The following PCK2 variants were observed in gnomAD, a reference collection of about 807,000 sequenced individuals.
The protein encoded by PCK2 is phosphoenolpyruvate carboxykinase 2, mitochondrial.
Under a neutral mutation model 65.9 loss-of-function variants are expected in PCK2, and 56 were observed. That is an observed-to-expected ratio of 0.85 (90% CI 0.69 to 1.06). The LOEUF (loss-of-function observed/expected upper bound fraction) is 1.06, where lower values mean the gene tolerates loss of function less well. PCK2 is among the 50% of genes least tolerant of loss of function. The pLI is 0.00. For synonymous variants in PCK2, 305 were observed against 319.6 expected (o/e 0.95, Z 0.49); for missense variants, 843 against 863.1 (o/e 0.98, Z 0.29).
chr14:24,099,965 G>A (rs375160037), intron 6 of PCK2, 30 bp from the exon 7 acceptor site: 63 of 1,613,998 alleles, frequency 3.9e-5, no homozygotes, highest in Non-Finnish European at 5.3e-5. Context: ...TCCTTGTTTG[G>A]TCCTTCCTTT....
intron 3 of PCK2, 42 bp downstream of exon 3, chr14:24,098,429 T>C (rs1315137587): frequency 6.2e-7 from 1 of 1,612,420 alleles, no homozygotes; most frequent in Admixed American, 1.7e-5. Context: ...ACGGAAGATG[T>C]GAACAGGTTT....
At position 24,094,697 on chromosome 14, in the gene PCK2, A is replaced by G; in HGVS notation, c.29+263A>G. On this transcript the variant is annotated intron_variant, in intron 1 of 9. Coordinates refer to ENST00000216780, the MANE Select transcript of PCK2 (RefSeq NM_004563.4). This position sits in a 1 kb window ranked among gnomAD's most constrained non-coding sequence, Gnocchi z 4.1. ...CGCGCGATCTCTATCTGCCACTCTC[A>G]GAACTTCCTCTCTCTCCTCGCTCCT... The G allele has an allele frequency of 6.6e-7, 1 of 1,519,040 alleles. No homozygotes were observed. Among genetic ancestry groups the G allele is most frequent in the East Asian group, 2.5e-5 (1 of 39,756 alleles). 94.1% of individuals were successfully genotyped at this position (1,519,040 alleles called of 1,614,324 possible). A position where few individuals can be genotyped will look rare whatever the true frequency, so the allele number is the denominator to read the frequency against.
chr14:24,094,487 C>A lies in PCK2; in HGVS notation c.29+53C>A. On this transcript the variant is annotated intron_variant, in intron 1 of 9. Transcript: ENST00000216780. The surrounding 1 kb of genome is among the most constrained non-coding windows in gnomAD (Gnocchi z 4.1). ...CCGCACCTTCCGCTGCGCTCGCCCC[C>A]TCGGGGCTGCCAGTGGCGCTCTCCT... is the stretch of plus-strand genomic sequence containing the variant. 6.7e-7 allele frequency: 1 copy of A among 1,483,818 alleles called. No homozygotes were observed. The highest frequency in any genetic ancestry group is 1.3e-5 in the South Asian group (1 of 76,332). The allele number at this position is 1,483,818 out of a possible 1,614,324, so 91.9% of individuals were successfully genotyped here. A position where few individuals can be genotyped will look rare whatever the true frequency, so the allele number is the denominator to read the frequency against.
rs1172701466 is a variant in PCK2, at chr14:24,098,339, G to A, written c.412G>A (p.Ala138Thr). The A allele has an allele frequency of 6.8e-6, 11 of 1,613,832 alleles. No homozygotes were observed. The highest frequency in any genetic ancestry group is 1.3e-5 in the African/African-American group (1 of 75,066). ...RGQLGNWMSP[A>T]DFQRAVDERF... ...GCAGCTGGGCAACTGGATGTCCCCA[G>A]CTGATTTCCAGCGAGCTGTGGATGA... is the stretch of plus-strand genomic sequence containing the variant. The change falls in exon 3 of 10, where the codon GCT becomes ACT. Residue 138 changes from alanine (A) to threonine (T), a missense_variant. Physicochemically the swap from Ala to Thr is moderately conservative, Grantham distance 58. Coordinates refer to ENST00000216780, the MANE Select transcript of PCK2 (RefSeq NM_004563.4).
chr14:24,102,973 C>G, intron 8 of PCK2, 83 bp downstream of exon 8: 1 of 1,406,362 alleles, frequency 7.1e-7, no homozygotes, highest in Non-Finnish European at 1.0e-6. Context: ...GATCCAGAGC[C>G]TCAGCCTGGA....
rs1184300074 is a variant in PCK2 at position 24,103,265 on chromosome 14, C to T, written c.1468+10C>T. ...GCAGCAGAACACAAAGGTGAGCACC[C>T]TCACCATTCCTCCCTCTCCTGTGTG... On this transcript the variant is annotated intron_variant, in intron 9 of 9. Transcript: ENST00000216780. 4 of 1,598,066 alleles carry T rather than the reference C, an allele frequency of 2.5e-6. No individual in the cohort carries two copies. Among genetic ancestry groups the T allele is most frequent in the Non-Finnish European group, 3.4e-6 (4 of 1,165,910 alleles).
In PCK2 at chr14:24,103,613, C is replaced by T; in HGVS notation, c.1572C>T (p.Ala524=). Residue 524 remains alanine, a synonymous_variant, in exon 10 of 10, where the codon GCC becomes GCT. Transcript: ENST00000216780. ...TGAGCATGGAAGGGCGCAAGGGGGC[C>T]CAGCTGCCCCGTATCTTCCATGTCA... ...HWLSMEGRKG[A]QLPRIFHVNW... The T allele has an allele frequency of 6.2e-7, 1 of 1,613,310 alleles. No individual in the cohort carries two copies. The highest frequency in any genetic ancestry group is 8.5e-7 in the Non-Finnish European group (1 of 1,179,420).
At position 24,094,433 on chromosome 14, in the gene PCK2, C is replaced by T. The variant is rs1566570534; in HGVS notation, c.28C>T (p.Arg10Trp). The T allele has an allele frequency of 1.3e-6, 2 of 1,548,442 alleles. No individual in the cohort carries two copies. The highest frequency in any genetic ancestry group is 8.7e-7 in the Non-Finnish European group (1 of 1,153,116). Residue 10 changes from arginine (R) to tryptophan (W), a missense_variant and splice_region_variant, in exon 1 of 10, where the codon CGG becomes TGG. Transcript: ENST00000216780. The surrounding 1 kb of genome is among the most constrained non-coding windows in gnomAD (Gnocchi z 4.1). ...GGCCGCATTGTACCGCCCTGGCCTG[C>T]GGTGAGTGACCCCCGGCCCGGGGCC... MAALYRPGL[R>W]LNWHGLSPLG... is the part of the protein sequence containing the mutation.
intron 7 of PCK2, among the ~76,000 whole-genome samples, chr14:24,101,453 C>T (rs149938611): frequency 1.8e-4 from 27 of 152,314 alleles, no homozygotes; most frequent in Middle Eastern, 6.8e-3. Context: ...GTGCTTCATA[C>T]ATGTGCCACT....
chr14:24,094,478 G>C lies in PCK2; in HGVS notation c.29+44G>C, dbSNP rs756195395. 6.7e-7 allele frequency: 1 copy of C among 1,494,128 alleles called. No homozygotes were observed. Among genetic ancestry groups the C allele is most frequent in the South Asian group, 1.3e-5 (1 of 78,026 alleles). 92.6% of individuals were successfully genotyped at this position (1,494,128 alleles called of 1,614,324 possible). ...GGGGCCCACCCGCACCTTCCGCTGCGCTCGCCCCCTCGGGGCTGCCAGTGG... is the reference window on the plus strand; with the variant it reads ...GGGGCCCACCCGCACCTTCCGCTGCCCTCGCCCCCTCGGGGCTGCCAGTGG... On this transcript the variant is annotated intron_variant, in intron 1 of 9. Coordinates refer to ENST00000216780, the MANE Select transcript of PCK2 (RefSeq NM_004563.4). This position sits in a 1 kb window ranked among gnomAD's most constrained non-coding sequence, Gnocchi z 4.1.
chr14:24,094,618 G>A lies in PCK2; in HGVS notation c.29+184G>A, dbSNP rs1390752380. ...GCGTCTCTTGGGAGGGCAGCCGGCC[G>A]GTGCTCCTCGTTTCCGCCTGCACCT... On this transcript the variant is annotated intron_variant, in intron 1 of 9. Transcript: ENST00000216780. This position sits in a 1 kb window ranked among gnomAD's most constrained non-coding sequence, Gnocchi z 4.1. The A allele has an allele frequency of 3.4e-6, 5 of 1,464,680 alleles. No individual in the cohort carries two copies. The Admixed American group carries it at 6.9e-5, about 20-fold the overall frequency. 90.7% of individuals were successfully genotyped at this position (1,464,680 alleles called of 1,614,324 possible). A position where few individuals can be genotyped will look rare whatever the true frequency, so the allele number is the denominator to read the frequency against.
chr14:24,094,470 T>G lies in PCK2; in HGVS notation c.29+36T>G. Reference sequence around the variant, plus strand: ...CCCGGCCCGGGGCCCACCCGCACCTTCCGCTGCGCTCGCCCCCTCGGGGCT... The same window carrying G: ...CCCGGCCCGGGGCCCACCCGCACCTGCCGCTGCGCTCGCCCCCTCGGGGCT... On this transcript the variant is annotated intron_variant, in intron 1 of 9. Coordinates refer to ENST00000216780, the MANE Select transcript of PCK2 (RefSeq NM_004563.4). The surrounding 1 kb of genome is among the most constrained non-coding windows in gnomAD (Gnocchi z 4.1). 6.7e-7 allele frequency: 1 copy of G among 1,502,774 alleles called. No individual in the cohort carries two copies. Among genetic ancestry groups the G allele is most frequent in the Non-Finnish European group, 8.8e-7 (1 of 1,132,980 alleles). The allele number at this position is 1,502,774 out of a possible 1,614,324, so 93.1% of individuals were successfully genotyped here.
chr14:24,101,186 C>T (rs2037147031), intron 7 of PCK2, among the ~76,000 whole-genome samples: 1 of 152,230 alleles, frequency 6.6e-6, no homozygotes, highest in South Asian at 2.1e-4. Context: ...CAGGCTAGTT[C>T]CCCAACCCTT....
Position 24,099,119 on chromosome 14 carries a change from G to GA in PCK2, c.736dup (p.Ile246AsnfsTer31), listed in dbSNP as rs754933476. 59 of 1,612,492 alleles carry GA rather than the reference G, an allele frequency of 3.7e-5. No individual in the cohort carries two copies. The highest frequency in any genetic ancestry group is 4.1e-5 in the Non-Finnish European group (48 of 1,179,638). On this transcript the variant is annotated frameshift_variant, in exon 5 of 10. Transcript: ENST00000216780. LOFTEE classifies it high-confidence loss of function. ...TTGGCCACGTGCCCGACCAGCGGGAGATCATCTCCTTCGGCAGCGGCTATG... is the reference window on the plus strand; with the variant it reads ...TTGGCCACGTGCCCGACCAGCGGGAGAATCATCTCCTTCGGCAGCGGCTATG...
In PCK2 at chr14:24,099,175, T is replaced by G; in HGVS notation, c.791T>G (p.Phe264Cys). The change falls in exon 5 of 10, where the codon TTT (phenylalanine) becomes TGT (cysteine). Residue 264 changes from phenylalanine (F) to cysteine (C), a missense_variant. Phe to Cys is a radical substitution (Grantham distance 205, BLOSUM62 -2). Transcript: ENST00000216780. ...GGNSLLGKKC[F>C]ALRIASRLAR... ...AACTCCCTGCTGGGCAAGAAGTGCT[T>G]TGCCCTACGCATCGCCTCTCGGCTG... The G allele has an allele frequency of 6.2e-7, 1 of 1,609,208 alleles. No individual in the cohort carries two copies. The highest frequency in any genetic ancestry group is 8.5e-7 in the Non-Finnish European group (1 of 1,179,460).
rs2037092062 is a variant in PCK2 at position 24,100,002 on chromosome 14, C to G, written c.1023C>G (p.Leu341=). 1.9e-6 allele frequency: 3 copies of G among 1,614,196 alleles called. No individual in the cohort carries two copies. The highest frequency in any genetic ancestry group is 2.5e-6 in the Non-Finnish European group (3 of 1,180,004). Reference sequence around the variant, plus strand: ...TTTCACTTCTCCTAACAGGTCGACTCCGGGCCATCAACCCTGAGAACGGCT... The same window carrying G: ...TTTCACTTCTCCTAACAGGTCGACTGCGGGCCATCAACCCTGAGAACGGCT... ...AWMRFDSEGR[L]RAINPENGFF... Residue 341 remains leucine (L), a synonymous_variant, in exon 7 of 10, where the codon CTC becomes CTG. Transcript: ENST00000216780.
At chr14:24,096,008 C>T (rs1180406538) in intron 1 of PCK2, among the ~76,000 whole-genome samples, 2 of 152,192 alleles carry the variant, frequency 1.3e-5, no homozygotes, top group African/African-American at 4.8e-5. Context: ...CATCTAGAAA[C>T]CTGGCACTGG....
chr14:24,103,555 G>T lies in PCK2; in HGVS notation c.1514G>T (p.Gly505Val). The T allele has an allele frequency of 6.4e-7, 1 of 1,567,158 alleles. No homozygotes were observed. The highest frequency in any genetic ancestry group is 1.2e-5 in the South Asian group (1 of 83,322). The change falls in exon 10 of 10, where the codon GGC (glycine) becomes GTC (valine). Residue 505 changes from glycine (G) to valine (V), a missense_variant. By Grantham distance (109) the Gly-to-Val change is moderately radical. Transcript: ENST00000216780. ...HDPFAMRPFFGYNFGHYLEHW... is the reference protein window; with the variant it reads ...HDPFAMRPFFVYNFGHYLEHW... ...CCATTTGCCATGCGGCCCTTTTTTG[G>T]CTACAACTTCGGGCACTACCTGGAA...
intron 7 of PCK2, 65 bp from the exon 8 acceptor site, chr14:24,102,688 A>G (rs2037208368): frequency 7.3e-7 from 1 of 1,371,772 alleles, no homozygotes; most frequent in African/African-American, 1.5e-5. Context: ...ATGTGTGCCC[A>G]TGTATGTGTG....
Sources: gnomAD v4.1 joint callset for allele counts (sites outside exome capture counted in the v4.1 genomes callset) on GRCh38, gnomAD v4.1.1 for gene constraint, Gnocchi (gnomAD v3.1) non-coding constraint, MANE v1.5 for transcripts, NCBI Gene and HGNC (gene_info 2026-07-23, HGNC 2026-07-21) for gene names.